Variants in PTPN14 observed in about 807,000 individuals in gnomAD.
PTPN14 encodes the protein protein tyrosine phosphatase non-receptor type 14.
PTPN14 carries 53 observed loss-of-function variants against 126.8 expected under a neutral mutation model. The observed-to-expected ratio is 0.42, with a 90% confidence interval of 0.34 to 0.53. The LOEUF (loss-of-function observed/expected upper bound fraction) is 0.53. Ranked by LOEUF, PTPN14 falls within the 20% of genes least tolerant of loss-of-function variation. PTPN14 has a pLI of 0.08. For missense variants in PTPN14, 1,257 were observed against 1,552.9 expected (o/e 0.81, Z 3.20); for synonymous variants, 630 against 599.3 (o/e 1.05, Z -0.75).
intron 1 of PTPN14, among the ~76,000 whole-genome samples, chr1:214,501,316 TG>T (rs1654692267): frequency 6.6e-6 from 1 of 152,172 alleles, no homozygotes; most frequent in Non-Finnish European, 1.5e-5. Flanking sequence ...CTCAACTCAG[TG>T]CAACCTCCGC....
intron 1 of PTPN14, among the ~76,000 whole-genome samples, chr1:214,485,878 G>A (rs927121632): frequency 1.4e-4 from 22 of 152,088 alleles, no homozygotes; most frequent in Admixed American, 5.9e-4. Flanking sequence ...GGCGCCCGCC[G>A]CCACACCCAG....
chr1:214,499,433 A>T (rs10779618), intron 1 of PTPN14, among the ~76,000 whole-genome samples: 148,991 of 152,202 alleles, frequency 0.98, 72,944 homozygotes, highest in East Asian at 1. Context: ...AAGAATATAT[A>T]AATAACTATC....
At position 214,351,314 on chromosome 1, in the gene PTPN14, GA is replaced by G. The variant is rs1329645323; in HGVS notation, c.*6607del. On this transcript the variant is annotated 3_prime_UTR_variant, in exon 19 of 19. Transcript: ENST00000366956. ...CTAAAAAAAAAAAAAAAAAGAAAAA[GA>G]AAAAAAAAAAGGCAGCAGACCCTAA... 9.5e-4 allele frequency: 128 copies of G among 134,956 alleles called. 1 individual carries two copies. The highest frequency in any genetic ancestry group is 3.6e-3 in the South Asian group (15 of 4,206). 8.4% of individuals were successfully genotyped at this position (134,956 alleles called of 1,614,324 possible).
intron 1 of PTPN14, among the ~76,000 whole-genome samples, chr1:214,511,921 TTC>T (rs1469614780): frequency 2.0e-5 from 3 of 152,154 alleles, no homozygotes; most frequent in East Asian, 3.8e-4. Flanking sequence ...GATTCTATAA[TTC>T]TCTGTTTGGC....
chr1:214,418,395 T>A (rs1447721566), intron 3 of PTPN14, among the ~76,000 whole-genome samples: 1 of 152,228 alleles, frequency 6.6e-6, no homozygotes, highest in African/African-American at 2.4e-5. Context: ...AAATTCCCAG[T>A]CCAATCCTTT....
intron 1 of PTPN14, among the ~76,000 whole-genome samples, chr1:214,548,207 G>A (rs1281826220): frequency 6.6e-6 from 1 of 152,168 alleles, no homozygotes; most frequent in Admixed American, 6.5e-5. Flanking sequence ...AAAAATGGCA[G>A]CGCTAGAATT....
chr1:214,500,299 C>T (rs535860422), intron 1 of PTPN14, among the ~76,000 whole-genome samples: 14 of 150,994 alleles, frequency 9.3e-5, no homozygotes, highest in Admixed American at 2.6e-4. Context: ...GACACAAACT[C>T]TTAATTAGAA....
chr1:214,391,918 G>A (rs1386708338), intron 10 of PTPN14, among the ~76,000 whole-genome samples: 1 of 152,060 alleles, frequency 6.6e-6, no homozygotes, highest in African/African-American at 2.4e-5. Context: ...ATATACCGCC[G>A]CCTAATTTTT....
At chr1:214,398,375 T>C (rs999491331) in intron 7 of PTPN14, among the ~76,000 whole-genome samples, 2 of 152,200 alleles carry the variant, frequency 1.3e-5, no homozygotes, top group African/African-American at 4.8e-5. Context: ...AAATCAAGCC[T>C]TGTTAGACAG....
At position 214,421,079 on chromosome 1, in the gene PTPN14, C is replaced by T. The variant is rs759722793; in HGVS notation, c.345-6353G>A. On this transcript the variant is annotated intron_variant, in intron 3 of 18. Transcript: ENST00000366956. ...TATATAGCCACACAAACTGAGAACA[C>T]ATGTTCACACCAAAACTGATACATG... Among the ~76,000 whole-genome samples the T allele has an allele frequency of 9.8e-5, 15 of 152,288 alleles. No homozygotes were observed. The South Asian group carries it at 1.5e-3, about 15-fold the overall frequency.
intron 1 of PTPN14, among the ~76,000 whole-genome samples, chr1:214,468,418 T>G (rs1195315263): frequency 2.0e-5 from 3 of 152,140 alleles, no homozygotes; most frequent in Non-Finnish European, 4.4e-5. Context: ...TAGCCAGGCA[T>G]GGTGGTGTGT....
intron 1 of PTPN14, among the ~76,000 whole-genome samples, chr1:214,502,272 AT>A (rs112340600): frequency 1.3e-5 from 2 of 152,194 alleles, no homozygotes; most frequent in Admixed American, 6.5e-5. Flanking sequence ...CGGTAGGGTC[AT>A]TTTGAAAAAG....
At chr1:214,387,373 A>G (rs1658643903) in intron 11 of PTPN14, among the ~76,000 whole-genome samples, 1 of 152,182 alleles carries the variant, frequency 6.6e-6, no homozygotes, top group Admixed American at 6.5e-5. Context: ...TTAGCCAGGC[A>G]TGGTGGCGCA....
intron 1 of PTPN14, among the ~76,000 whole-genome samples, chr1:214,473,209 G>C (rs532027257): frequency 6.6e-6 from 1 of 152,302 alleles, no homozygotes; most frequent in Middle Eastern, 3.4e-3. Context: ...ATTTAGAAAA[G>C]GTCATTTGGC....
At chr1:214,533,074 G>A in intron 1 of PTPN14, 1 of 740,668 alleles carries the variant, frequency 1.4e-6, no homozygotes, top group Non-Finnish European at 2.5e-6. Context: ...CACGGAGCTG[G>A]GACGTACGGT....
At chr1:214,523,461 C>T (rs190120352) in intron 1 of PTPN14, among the ~76,000 whole-genome samples, 2 of 152,308 alleles carry the variant, frequency 1.3e-5, no homozygotes, top group Admixed American at 6.5e-5. Context: ...GTATTCAGTA[C>T]AGTAACATGC....
intron 16 of PTPN14, 142 bp from the exon 17 acceptor site, chr1:214,369,833 T>C (rs1658172558): frequency 2.8e-6 from 2 of 706,050 alleles, no homozygotes; most frequent in South Asian, 1.7e-5. Flanking sequence ...TACCACAGGG[T>C]AGATCCTATA....
intron 1 of PTPN14, among the ~76,000 whole-genome samples, chr1:214,485,992 T>C (rs4472735): frequency 0.98 from 148,584 of 152,280 alleles, 72,499 homozygotes; most frequent in East Asian, 1. Context: ...TCTCAAAGTA[T>C]TGGGATTACA....
intron 1 of PTPN14, among the ~76,000 whole-genome samples, chr1:214,517,926 C>CAG (rs1655149462): frequency 6.6e-6 from 1 of 151,990 alleles, no homozygotes; most frequent in African/African-American, 2.4e-5. Context: ...GCCTGGGTGA[C>CAG]AGAGAGAGAC....
Sources: gnomAD v4.1 joint callset for allele counts (sites outside exome capture counted in the v4.1 genomes callset) on GRCh38, gnomAD v4.1.1 for gene constraint, MANE v1.5 for transcripts, NCBI Gene and HGNC (gene_info 2026-07-23, HGNC 2026-07-21) for gene names.